Variants in CLDN16 observed in about 807,000 individuals in gnomAD.
CLDN16 encodes claudin-16.
CLDN16 carries 13 observed loss-of-function variants against 24.6 expected under a neutral mutation model. That is an observed-to-expected ratio of 0.53 (90% confidence interval 0.34 to 0.84). The LOEUF (loss-of-function observed/expected upper bound fraction) is 0.84. Among genes scored for constraint, CLDN16 ranks in the 40% least tolerant of loss-of-function variants. CLDN16 has a pLI of 0.01. For missense variants in CLDN16, 298 were observed against 292.7 expected, an observed-to-expected ratio of 1.02 and a Z score of -0.13; for synonymous variants, 116 against 106.7, an observed-to-expected ratio of 1.09 and a Z score of -0.54.
intron 3 of CLDN16, among the ~76,000 whole-genome samples, chr3:190,379,926 T>C (rs934419883): frequency 6.6e-6 from 1 of 152,010 alleles, no homozygotes; most frequent in African/African-American, 2.4e-5. Flanking sequence ...TGGAAACATG[T>C]ATTTCAACAT....
the CLDN16 span, among the ~76,000 whole-genome samples, chr3:190,301,797 T>A: frequency 1.3e-5 from 2 of 152,204 alleles, no homozygotes; most frequent in African/African-American, 4.8e-5. Context: ...CTTGCCTGGA[T>A]TATTGTAATA....
chr3:190,367,914 A>G (rs918993236), intron 1 of CLDN16, among the ~76,000 whole-genome samples: 1 of 151,894 alleles, frequency 6.6e-6, no homozygotes, highest in African/African-American at 2.4e-5. Context: ...AGTCTCTGCA[A>G]TCTGCATTTT....
At chr3:190,375,944 T>G (rs1378251005) in intron 3 of CLDN16, among the ~76,000 whole-genome samples, 1 of 151,966 alleles carries the variant, frequency 6.6e-6, no homozygotes, top group Non-Finnish European at 1.5e-5. Context: ...TGCCAGTATC[T>G]TGATCTCAGA....
intron 1 of CLDN16, among the ~76,000 whole-genome samples, chr3:190,324,289 C>G (rs1357186794): frequency 6.6e-6 from 1 of 152,118 alleles, no homozygotes; most frequent in Non-Finnish European, 1.5e-5. Context: ...TCGAGATCAG[C>G]CTGGCCAACA....
chr3:190,328,118 C>CA (rs60601809), intron 1 of CLDN16, among the ~76,000 whole-genome samples: 189 of 143,054 alleles, frequency 1.3e-3, no homozygotes, highest in Middle Eastern at 0.011. Flanking sequence ...TCCATCTCTA[C>CA]AAAAAAAAAA....
intron 1 of CLDN16, among the ~76,000 whole-genome samples, chr3:190,397,877 A>T (rs1718859452): frequency 6.6e-6 from 1 of 152,228 alleles, no homozygotes. Flanking sequence ...CTACTGAATT[A>T]TTTTGGCAAG....
upstream of CLDN16, chr3:190,388,013 C>A: frequency 1.9e-6 from 2 of 1,070,248 alleles, no homozygotes; most frequent in Non-Finnish European, 2.8e-6. Flanking sequence ...CACCACTAGC[C>A]CACAGTTGGG....
chr3:190,322,137 T>C (rs1231695555), upstream of CLDN16: 1 of 1,614,078 alleles, frequency 6.2e-7, no homozygotes, highest in Non-Finnish European at 8.5e-7. Context: ...AGGGCAGTGC[T>C]GACGATGGCG....
chr3:190,380,130 T>TCCTTCCTTCCTC (rs1718330155), intron 3 of CLDN16, among the ~76,000 whole-genome samples: 1 of 43,936 alleles, frequency 2.3e-5, no homozygotes, highest in Non-Finnish European at 4.2e-5. Context: ...CTTCCTTTCT[T>TCCTTCCTTCCTC]CCTTCCTTCC....
At chr3:190,385,633 A>G (rs1718476321), upstream of CLDN16, among the ~76,000 whole-genome samples, 1 of 151,968 alleles carries the variant, frequency 6.6e-6, no homozygotes, top group Non-Finnish European at 1.5e-5. Context: ...GTGTGTTTGC[A>G]TATGAGAATG....
intron 1 of CLDN16, among the ~76,000 whole-genome samples, chr3:190,353,994 G>A (rs1398271960): frequency 6.6e-6 from 1 of 152,038 alleles, no homozygotes; most frequent in Non-Finnish European, 1.5e-5. Context: ...TTTCTCTAGA[G>A]GGTCTAAGGA....
At chr3:190,366,721 C>T (rs547712966) in intron 1 of CLDN16, among the ~76,000 whole-genome samples, 3 of 152,062 alleles carry the variant, frequency 2.0e-5, no homozygotes, top group Non-Finnish European at 2.9e-5. Context: ...CTCTTTTCTA[C>T]GTCCTGAGAT....
At chr3:190,302,780 AT>A in the CLDN16 span, among the ~76,000 whole-genome samples, 57,743 of 130,916 alleles carry the variant, frequency 0.44, 12,931 homozygotes, top group South Asian at 0.56. Flanking sequence ...TCAAAAAAAA[AT>A]ATATATATAT....
the CLDN16 span, among the ~76,000 whole-genome samples, chr3:190,316,789 T>C: frequency 6.6e-6 from 1 of 152,176 alleles, no homozygotes; most frequent in Non-Finnish European, 1.5e-5. Context: ...TCTGTACCAA[T>C]ATGATAGGTA....
intron 1 of CLDN16, among the ~76,000 whole-genome samples, chr3:190,329,314 C>T (rs1461829319): frequency 1.3e-5 from 2 of 152,046 alleles, no homozygotes; most frequent in South Asian, 2.1e-4. Flanking sequence ...CTATTCTGAG[C>T]TAAGAGCCAT....
intron 1 of CLDN16, among the ~76,000 whole-genome samples, chr3:190,365,297 G>A (rs1432777664): frequency 6.6e-6 from 1 of 151,526 alleles, no homozygotes; most frequent in Non-Finnish European, 1.5e-5. Flanking sequence ...CGTCAGTCCT[G>A]GCCTTCTCAG....
chr3:190,398,536 C>T (rs1718878218), intron 1 of CLDN16, among the ~76,000 whole-genome samples: 1 of 152,146 alleles, frequency 6.6e-6, no homozygotes, highest in Non-Finnish European at 1.5e-5. Flanking sequence ...TCAAGGTCCT[C>T]AGTTACATTT....
At chr3:190,300,587 A>G in the CLDN16 span, among the ~76,000 whole-genome samples, 1 of 152,252 alleles carries the variant, frequency 6.6e-6, no homozygotes, top group Non-Finnish European at 1.5e-5. Flanking sequence ...ATGATAGACA[A>G]TTTATGTGAC....
At chr3:190,322,518 TGGC>T, upstream of CLDN16, 2 of 374,648 alleles carry the variant, frequency 5.3e-6, no homozygotes, top group Non-Finnish European at 9.9e-6. Context: ...GAGCGCCCCC[TGGC>T]GGTTTCAGGG....
Sources: allele counts gnomAD v4.1 joint callset (sites outside exome capture counted in the v4.1 genomes callset), GRCh38; gene constraint gnomAD v4.1.1; transcripts MANE v1.5; gene names NCBI Gene and HGNC (gene_info 2026-07-23, HGNC 2026-07-21).